KDM1B: variants seen among roughly 807,000 people sequenced by gnomAD.
KDM1B encodes the protein lysine-specific histone demethylase 2.
Under a neutral mutation model 107.4 loss-of-function variants are expected in KDM1B, and 63 were observed. The ratio of observed to expected loss-of-function variants is 0.59; its 90% CI spans 0.48 to 0.72. KDM1B has a LOEUF of 0.72. Among genes scored for constraint, KDM1B ranks in the 30% least tolerant of loss-of-function variants. The pLI is 0.00. For missense variants in KDM1B, 749 were observed against 1,020.8 expected, an observed-to-expected ratio of 0.73 and a Z score of 3.63; for synonymous variants, 363 against 363.9, an observed-to-expected ratio of 1.00 and a Z score of 0.03.
intron 7 of KDM1B, among the ~76,000 whole-genome samples, chr6:18,174,079 C>G (rs116825846): frequency 6.6e-6 from 1 of 152,132 alleles, no homozygotes; most frequent in African/African-American, 2.4e-5. Flanking sequence ...CCACTGCGCC[C>G]GGCCCTATCT....
chr6:18,208,006 T>G (rs1030106034), intron 16 of KDM1B, 126 bp from the exon 17 acceptor site: 2 of 732,196 alleles, frequency 2.7e-6, no homozygotes, highest in African/African-American at 3.5e-5. Context: ...TGTTTAGATC[T>G]CTGAATGCCA....
rs1788304308 is a variant in KDM1B, at chr6:18,205,438, T to G, written c.1532-99T>G. 1.2e-5 allele frequency: 14 copies of G among 1,159,430 alleles called. No homozygotes were observed. In the South Asian group the frequency reaches 1.8e-4, roughly 15 times the overall value. 71.8% of individuals were successfully genotyped at this position (1,159,430 alleles called of 1,614,324 possible). On this transcript the variant is annotated intron_variant, in intron 14 of 21. Coordinates refer to ENST00000650836, the MANE Select transcript of KDM1B (RefSeq NM_001364614.2). The surrounding 1 kb of genome is among the most constrained non-coding windows in gnomAD (Gnocchi z 5.7). ...TACTTGGGAAAAGACTTTGGAAGTT[T>G]TGGGTGTTGCTGGGTGACAGAGGTT...
chr6:18,185,908 T>G, intron 8 of KDM1B, 98 bp downstream of exon 8: 3 of 1,178,290 alleles, frequency 2.5e-6, no homozygotes, highest in South Asian at 1.3e-5. Flanking sequence ...TTTCTTTCTC[T>G]TTGGTTGCTG....
In KDM1B at chr6:18,201,610, C is replaced by A. The variant is rs1166275977; in HGVS notation, c.1484C>A (p.Ser495Tyr). ...FHFNALLDVV[S>Y]EWRKDKTQLQ... ...TTTAATGCTCTCTTGGATGTTGTCT[C>A]TGAGTGGAGAAAGGATAAGACTCAG... The change falls in exon 14 of 22, where the codon TCT (serine) becomes TAT (tyrosine). Residue 495 changes from serine to tyrosine, a missense_variant. Physicochemically the swap from Ser to Tyr is moderately radical, Grantham distance 144. Transcript: ENST00000650836. The surrounding 1 kb of genome is among the most constrained non-coding windows in gnomAD (Gnocchi z 4.3). The A allele has an allele frequency of 6.4e-7, 1 of 1,550,870 alleles. No individual in the cohort carries two copies. The highest frequency in any genetic ancestry group is 1.2e-5 in the South Asian group (1 of 84,054).
At position 18,209,997 on chromosome 6, in the gene KDM1B, G is replaced by A. The variant is rs981754821; in HGVS notation, c.1866+1791G>A. Among the ~76,000 whole-genome samples, 1 of 152,142 alleles carries A rather than the reference G, an allele frequency of 6.6e-6. No homozygotes were observed. The highest frequency in any genetic ancestry group is 2.4e-5 in the African/African-American group (1 of 41,416). ...ACAGCAAGCTGGTTTTAACTCCCCT[G>A]CTTTGTTACTCTCTGCCTGACCCTG... On this transcript the variant is annotated intron_variant, in intron 17 of 21. Transcript: ENST00000650836. This position sits in a 1 kb window ranked among gnomAD's most constrained non-coding sequence, Gnocchi z 4.3.
Position 18,222,143 on chromosome 6 carries a change from A to G in KDM1B, c.*151A>G, listed in dbSNP as rs1316856552. The G allele has an allele frequency of 1.3e-6, 1 of 762,320 alleles. No individual in the cohort carries two copies. The highest frequency in any genetic ancestry group is 1.5e-5 in the South Asian group (1 of 68,946). The allele number at this position is 762,320 out of a possible 1,614,324, so 47.2% of individuals were successfully genotyped here. On this transcript the variant is annotated 3_prime_UTR_variant, in exon 22 of 22. Transcript: ENST00000650836. ...CGATATGATAATGCAAACCTATTTC[A>G]TCACTCTAAAAGCACTGACCTCAAA...
In KDM1B at chr6:18,159,077, C is replaced by T. The variant is rs990028925; in HGVS notation, c.-13-806C>T. Reference sequence around the variant, plus strand: ...CCGCCTCCCTGGTTCAGGCGATTCTCCTGCCCCAGCCTCCTGAGTAGCTGG... The same window carrying T: ...CCGCCTCCCTGGTTCAGGCGATTCTTCTGCCCCAGCCTCCTGAGTAGCTGG... On this transcript the variant is annotated intron_variant, in intron 2 of 21. Coordinates refer to ENST00000650836, the MANE Select transcript of KDM1B (RefSeq NM_001364614.2). This position sits in a 1 kb window ranked among gnomAD's most constrained non-coding sequence, Gnocchi z 4.5. Among the ~76,000 whole-genome samples the T allele has an allele frequency of 6.6e-6, 1 of 152,206 alleles. No homozygotes were observed. Among genetic ancestry groups the T allele is most frequent in the Non-Finnish European group, 1.5e-5 (1 of 68,038 alleles).
rs1191265177 is a variant in KDM1B at position 18,212,109 on chromosome 6, C to G, written c.1867-379C>G. 5.2e-6 allele frequency: 1 copy of G among 192,056 alleles called. No individual in the cohort carries two copies. Among genetic ancestry groups the G allele is most frequent in the Admixed American group, 5.6e-5 (1 of 17,826 alleles). The allele number at this position is 192,056 out of a possible 1,614,324, so 11.9% of individuals were successfully genotyped here. A position where few individuals can be genotyped will look rare whatever the true frequency, so the allele number is the denominator to read the frequency against. On this transcript the variant is annotated intron_variant, in intron 17 of 21. Coordinates refer to ENST00000650836, the MANE Select transcript of KDM1B (RefSeq NM_001364614.2). This position sits in a 1 kb window ranked among gnomAD's most constrained non-coding sequence, Gnocchi z 5.2. ...TACAGGCACCTGCCACCACACCTGG[C>G]TAATTTTTGTATTTTTGTAGAGACA...
chr6:18,185,870 AAGGAAATGATAGTAAC>A (rs1436890788), intron 8 of KDM1B, 60 bp downstream of exon 8: 3 of 1,478,694 alleles, frequency 2.0e-6, no homozygotes, highest in East Asian at 4.5e-5. Context: ...TAAGTGTTAC[AAGGAAATGATAGTAAC>A]AGCTTCATGA....
At chr6:18,215,159 G>T (rs749824387) in intron 20 of KDM1B, 30 bp downstream of exon 20, 1 of 1,601,080 alleles carries the variant, frequency 6.2e-7, no homozygotes, top group South Asian at 1.1e-5. Context: ...CCTTGAAAGG[G>T]GCAAGCCGTG....
In KDM1B at chr6:18,213,816, G is replaced by A. The variant is rs200661038; in HGVS notation, c.2109+35G>A. 124 of 1,611,562 alleles carry A rather than the reference G, an allele frequency of 7.7e-5. No individual in the cohort carries two copies. The highest frequency in any genetic ancestry group is 5.8e-4 in the East Asian group (26 of 44,852). ...TTCGTGAACTGTGGTTTGAATTTCC[G>A]TCTTAAAGTTTAGAATTTGATGTGA... On this transcript the variant is annotated intron_variant, in intron 19 of 21. Coordinates refer to ENST00000650836, the MANE Select transcript of KDM1B (RefSeq NM_001364614.2). The surrounding 1 kb of genome is among the most constrained non-coding windows in gnomAD (Gnocchi z 5.9).
intron 10 of KDM1B, among the ~76,000 whole-genome samples, chr6:18,193,614 T>C (rs1787441021): frequency 6.6e-6 from 1 of 152,096 alleles, no homozygotes; most frequent in Non-Finnish European, 1.5e-5. Flanking sequence ...GAAATGATTT[T>C]TTTTAAACTT....
At position 18,212,418 on chromosome 6, in the gene KDM1B, T is replaced by G; in HGVS notation, c.1867-70T>G. The G allele has an allele frequency of 1.1e-6, 1 of 912,766 alleles. No individual in the cohort carries two copies. The highest frequency in any genetic ancestry group is 2.4e-5 in the East Asian group (1 of 41,748). 56.5% of individuals were successfully genotyped at this position (912,766 alleles called of 1,614,324 possible). A position where few individuals can be genotyped will look rare whatever the true frequency, so the allele number is the denominator to read the frequency against. On this transcript the variant is annotated intron_variant, in intron 17 of 21. Coordinates refer to ENST00000650836, the MANE Select transcript of KDM1B (RefSeq NM_001364614.2). This position sits in a 1 kb window ranked among gnomAD's most constrained non-coding sequence, Gnocchi z 5.2. The stretch of plus-strand genomic sequence containing the variant: ...TTGCCAGTATAACAGCATGGGTTGT[T>G]GATACCAGTGTAGTGGTAGTGTGAG...
At chr6:18,189,456 C>T (rs1262538109) in intron 9 of KDM1B, among the ~76,000 whole-genome samples, 1 of 152,200 alleles carries the variant, frequency 6.6e-6, no homozygotes, top group African/African-American at 2.4e-5. Flanking sequence ...TTATCTTAAA[C>T]AGCTAATCAA....
intron 3 of KDM1B, 58 bp downstream of exon 3, chr6:18,160,040 G>A (rs747261318): frequency 5.2e-4 from 595 of 1,142,772 alleles, no homozygotes; most frequent in Non-Finnish European, 6.9e-4. Flanking sequence ...TTACTGATTG[G>A]GACTGGAGAA....
chr6:18,162,553 T>C lies in KDM1B; in HGVS notation c.216-282T>C, dbSNP rs1380562028. On this transcript the variant is annotated intron_variant, in intron 4 of 21. Coordinates refer to ENST00000650836, the MANE Select transcript of KDM1B (RefSeq NM_001364614.2). This position sits in a 1 kb window ranked among gnomAD's most constrained non-coding sequence, Gnocchi z 4.1. ...AGCCTGCAGCAAGCACAGTGGCATC[T>C]GTCCTTTTGTGTCATAAAACCCTAT... 6.6e-6 allele frequency among the ~76,000 whole-genome samples: 1 copy of C among 152,156 alleles called. No homozygotes were observed. Among genetic ancestry groups the C allele is most frequent in the Non-Finnish European group, 1.5e-5 (1 of 68,024 alleles).
At chr6:18,173,291 C>A (rs1785782384) in intron 7 of KDM1B, among the ~76,000 whole-genome samples, 1 of 151,992 alleles carries the variant, frequency 6.6e-6, no homozygotes. Flanking sequence ...TCCCTACTAA[C>A]TGGTGATCTT....
intron 10 of KDM1B, among the ~76,000 whole-genome samples, chr6:18,195,747 A>AAAAAAAG (rs1322183508): frequency 2.6e-5 from 4 of 151,776 alleles, no homozygotes; most frequent in African/African-American, 4.8e-5. Flanking sequence ...AAAAAAAAAA[A>AAAAAAAG]AGAGAAAGAA....
chr6:18,184,736 CT>C (rs58897300), intron 7 of KDM1B, among the ~76,000 whole-genome samples: 12,420 of 65,004 alleles, frequency 0.19, 930 homozygotes, highest in African/African-American at 0.25. Context: ...AGCTTTTTTC[CT>C]TTTTTTTTTT....
Sources: gnomAD v4.1 joint callset for allele counts (sites outside exome capture counted in the v4.1 genomes callset) on GRCh38, gnomAD v4.1.1 for gene constraint, Gnocchi (gnomAD v3.1) non-coding constraint, MANE v1.5 for transcripts, NCBI Gene and HGNC (gene_info 2026-07-23, HGNC 2026-07-21) for gene names.